IQCB1: variants seen among roughly 807,000 people sequenced by gnomAD.
The protein encoded by IQCB1 is IQ motif containing B1, also known as IQ calmodulin-binding motif-containing protein 1.
Under a neutral mutation model 84.4 loss-of-function variants are expected in IQCB1, and 56 were observed. The observed-to-expected ratio is 0.66, with a 90% CI of 0.54 to 0.83. IQCB1 has a LOEUF of 0.83. Among genes scored for constraint, IQCB1 ranks in the 40% least tolerant of loss-of-function variants. The pLI is 0.00. For synonymous variants in IQCB1, 210 were observed against 234.8 expected, an observed-to-expected ratio of 0.89 and a Z score of 0.96; for missense variants, 629 against 682.1, an observed-to-expected ratio of 0.92 and a Z score of 0.87.
At position 121,772,617 on chromosome 3, in the gene IQCB1, C is replaced by G. The variant is rs763496399; in HGVS notation, c.1507G>C (p.Ala503Pro). ...ATCAGAGCTTCTCTGTGCTGCTGGG[C>G]TCGCTCTTCTAGGGCCCTGCCCATA... ...YFMGRALEER[A>P]QQHREALIAQ... The change falls in exon 14 of 15, where the codon GCC becomes CCC. Residue 503 changes from alanine to proline, a missense_variant. Transcript: ENST00000310864. The G allele has an allele frequency of 6.2e-7, 1 of 1,614,214 alleles. No individual in the cohort carries two copies. The highest frequency in any genetic ancestry group is 1.1e-5 in the South Asian group (1 of 91,088).
At chr3:121,809,389 T>C (rs1949737396) in intron 5 of IQCB1, among the ~76,000 whole-genome samples, 1 of 152,078 alleles carries the variant, frequency 6.6e-6, no homozygotes, top group South Asian at 2.1e-4. Context: ...TCTGGATATC[T>C]GTACTTGCAC....
Position 121,799,370 on chromosome 3 carries a change from C to T in IQCB1, c.592G>A (p.Asp198Asn), listed in dbSNP as rs1949321066. The T allele has an allele frequency of 6.4e-7, 1 of 1,554,808 alleles. No homozygotes were observed. The highest frequency in any genetic ancestry group is 1.4e-5 in the African/African-American group (1 of 73,414). The change falls in exon 8 of 15, where the codon GAT becomes AAT. Residue 198 changes from aspartate (D) to asparagine (N), a missense_variant. By Grantham distance (23) the Asp-to-Asn change is conservative (BLOSUM62 1). Coordinates refer to ENST00000310864, the MANE Select transcript of IQCB1 (RefSeq NM_001023570.4). ...LQNILQINSG[D>N]LLRIGRKALY... Reference sequence around the variant, plus strand: ...GCTTTTCTTCCTATTCTGAGTAAATCACCACTAATAGAACAAAATAAAAAA... The same window carrying T: ...GCTTTTCTTCCTATTCTGAGTAAATTACCACTAATAGAACAAAATAAAAAA...
In IQCB1 at chr3:121,795,494, G is replaced by A; in HGVS notation, c.949C>T (p.Leu317Phe). The change falls in exon 10 of 15, where the codon CTT (leucine) becomes TTT (phenylalanine). Residue 317 changes from leucine to phenylalanine, a missense_variant. Transcript: ENST00000310864. ...TGCAAAGCAATCACAGCAGATGGAA[G>A]CTTCTTTAATCTCTTTCTTGTCTGA... ...GFQTRKRLKK[L>F]PSAVIALQRS... The A allele has an allele frequency of 1.2e-6, 2 of 1,607,792 alleles. No individual in the cohort carries two copies. The highest frequency in any genetic ancestry group is 1.7e-6 in the Non-Finnish European group (2 of 1,175,574).
chr3:121,797,147 G>A lies in IQCB1; in HGVS notation c.847C>T (p.Pro283Ser), dbSNP rs1254161946. The change falls in exon 9 of 15, where the codon CCA becomes TCA. Residue 283 changes from proline (P) to serine (S), a missense_variant. Pro to Ser is a moderately conservative substitution (Grantham distance 74). Coordinates refer to ENST00000310864, the MANE Select transcript of IQCB1 (RefSeq NM_001023570.4). ...TCTTCTACTTCCTGATAGACCATTG[G>A]GCTTAAAAGGCCAACAAGCTGTCTA... ...ELRQLVGLLS[P>S]MVYQEVEEQK... The A allele has an allele frequency of 6.2e-7, 1 of 1,603,928 alleles. No homozygotes were observed. Among genetic ancestry groups the A allele is most frequent in the African/African-American group, 1.3e-5 (1 of 74,472 alleles).
At position 121,826,126 on chromosome 3, in the gene IQCB1, T is replaced by G; in HGVS notation, c.318A>C (p.Glu106Asp). 1 of 1,613,168 alleles carries G rather than the reference T, an allele frequency of 6.2e-7. No homozygotes were observed. Among genetic ancestry groups the G allele is most frequent in the Non-Finnish European group, 8.5e-7 (1 of 1,179,114 alleles). The change falls in exon 5 of 15, where the codon GAA becomes GAC. Residue 106 changes from glutamate (E) to aspartate (D), a missense_variant. Coordinates refer to ENST00000310864, the MANE Select transcript of IQCB1 (RefSeq NM_001023570.4). ...PGEDAEEFYN[E>D]LLPSAAENFL... Reference sequence around the variant, plus strand: ...AATTTTCTGCAGCTGATGGAAGTAATTCATTGTAAAATTCCTCTGCATCTT... The same window carrying G: ...AATTTTCTGCAGCTGATGGAAGTAAGTCATTGTAAAATTCCTCTGCATCTT...
intron 2 of IQCB1, among the ~76,000 whole-genome samples, chr3:121,833,735 C>T (rs1708088512): frequency 6.6e-6 from 1 of 152,162 alleles, no homozygotes; most frequent in African/African-American, 2.4e-5. Flanking sequence ...AGTCAGAGGA[C>T]TGGGCTTCTC....
chr3:121,786,587 A>C (rs1402715666), intron 12 of IQCB1, among the ~76,000 whole-genome samples: 2 of 152,094 alleles, frequency 1.3e-5, no homozygotes, highest in African/African-American at 4.8e-5. Flanking sequence ...ATGAGATGCA[A>C]AGACTATAAA....
At chr3:121,786,024 AGCTGGGCCT>A in intron 12 of IQCB1, among the ~76,000 whole-genome samples, 1 of 146,350 alleles carries the variant, frequency 6.8e-6, no homozygotes, top group African/African-American at 2.5e-5. Context: ...AAAAAAAATT[AGCTGGGCCT>A]GGTGGTGCAA....
At chr3:121,774,422 C>A (rs982840216) in intron 13 of IQCB1, among the ~76,000 whole-genome samples, 1 of 152,142 alleles carries the variant, frequency 6.6e-6, no homozygotes, top group Admixed American at 6.5e-5. Context: ...CTAGCATTTC[C>A]ATTTCGGATA....
chr3:121,788,712 A>AT (rs35199948), intron 11 of IQCB1, among the ~76,000 whole-genome samples: 1 of 152,132 alleles, frequency 6.6e-6, no homozygotes. Context: ...TAAAAAAAAA[A>AT]AAAAAAATTC....
chr3:121,786,112 A>G (rs1948701779), intron 12 of IQCB1, among the ~76,000 whole-genome samples: 1 of 147,932 alleles, frequency 6.8e-6, no homozygotes, highest in African/African-American at 2.5e-5. Context: ...TAAAGGCTCC[A>G]GTGGGGTATG....
chr3:121,826,246 A>G (rs1420880960), intron 4 of IQCB1, 66 bp from the exon 5 acceptor site: 9 of 1,505,876 alleles, frequency 6.0e-6, no homozygotes, highest in South Asian at 1.1e-5. Flanking sequence ...TTCTAGAGAC[A>G]CTGTGCCTTA....
At position 121,770,328 on chromosome 3, in the gene IQCB1, A is replaced by G. The variant is rs1005512699; in HGVS notation, c.*17T>C. On this transcript the variant is annotated 3_prime_UTR_variant, in exon 15 of 15. Transcript: ENST00000310864. ...CTCCTAAAATATGAGATTTGTGTCAATTCTTAGGGTTACTCACTAAGGTGG... is the reference window on the plus strand; with the variant it reads ...CTCCTAAAATATGAGATTTGTGTCAGTTCTTAGGGTTACTCACTAAGGTGG... The G allele has an allele frequency of 5.3e-6, 8 of 1,514,498 alleles. No homozygotes were observed. In the African/African-American group the frequency reaches 9.6e-5, roughly 18 times the overall value. 93.8% of individuals were successfully genotyped at this position (1,514,498 alleles called of 1,614,324 possible).
intron 5 of IQCB1, among the ~76,000 whole-genome samples, chr3:121,819,071 G>A (rs907813973): frequency 3.3e-5 from 5 of 152,148 alleles, no homozygotes. Flanking sequence ...GGGTCAAGGG[G>A]AAGGATGTTT....
Position 121,835,028 on chromosome 3 carries a change from C to G in IQCB1, c.-164G>C, listed in dbSNP as rs1036217186. On this transcript the variant is annotated 5_prime_UTR_variant, in exon 1 of 15. Transcript: ENST00000310864. Reference sequence around the variant, plus strand: ...GGGCTCCCACGCCGCACTACAGCGCCGCGGCCTTCCGGGGCAGCGTGCGTC... The same window carrying G: ...GGGCTCCCACGCCGCACTACAGCGCGGCGGCCTTCCGGGGCAGCGTGCGTC... The G allele has an allele frequency of 7.1e-6, 4 of 565,776 alleles. No individual in the cohort carries two copies. The East Asian group carries it at 1.2e-4, about 17-fold the overall frequency. The allele number at this position is 565,776 out of a possible 1,614,324, so 35.0% of individuals were successfully genotyped here.
At chr3:121,819,502 A>G (rs1435837432) in intron 5 of IQCB1, among the ~76,000 whole-genome samples, 2 of 152,170 alleles carry the variant, frequency 1.3e-5, no homozygotes, top group Non-Finnish European at 2.9e-5. Context: ...GATGAGTACT[A>G]GTCTGTGGCC....
chr3:121,770,099 G>A lies in IQCB1; in HGVS notation c.*246C>T, dbSNP rs1358619788. The A allele has an allele frequency of 2.2e-6, 1 of 451,174 alleles. No individual in the cohort carries two copies. The highest frequency in any genetic ancestry group is 4.0e-6 in the Non-Finnish European group (1 of 248,184). 27.9% of individuals were successfully genotyped at this position (451,174 alleles called of 1,614,324 possible). On this transcript the variant is annotated 3_prime_UTR_variant, in exon 15 of 15. Transcript: ENST00000310864. ...CTTCATGTAAACAACAGAACACTAT[G>A]CTAAGTTTAGTTCTACAATAAAAGC... is the stretch of plus-strand genomic sequence containing the variant.
intron 14 of IQCB1, among the ~76,000 whole-genome samples, chr3:121,771,824 G>C (rs1479281761): frequency 6.6e-6 from 1 of 152,236 alleles, no homozygotes; most frequent in African/African-American, 2.4e-5. Flanking sequence ...TTCATGGATG[G>C]GATCTCTCAT....
At chr3:121,819,938 G>A (rs1303793377) in intron 5 of IQCB1, among the ~76,000 whole-genome samples, 5 of 151,976 alleles carry the variant, frequency 3.3e-5, no homozygotes, top group African/African-American at 1.2e-4. Flanking sequence ...ATTTATACTT[G>A]GAGCAGATCT....
Sources: gnomAD v4.1 joint callset for allele counts (sites outside exome capture counted in the v4.1 genomes callset) on GRCh38, gnomAD v4.1.1 for gene constraint, MANE v1.5 for transcripts, NCBI Gene and HGNC (gene_info 2026-07-23, HGNC 2026-07-21) for gene names.